ZBTB20: variants seen among roughly 807,000 people sequenced by gnomAD.
The protein encoded by ZBTB20 is zinc finger and BTB domain-containing protein 20.
ZBTB20 carries 9 observed loss-of-function variants against 56.9 expected under a neutral mutation model. The ratio of observed to expected loss-of-function variants is 0.16; its 90% CI spans 0.10 to 0.28. The LOEUF is 0.28. ZBTB20 is among the 10% of genes least tolerant of loss of function. The pLI is 1.00. For missense variants in ZBTB20, 655 were observed against 1,003.0 expected, an observed-to-expected ratio of 0.65 and a Z score of 4.69; for synonymous variants, 417 against 420.7, an observed-to-expected ratio of 0.99 and a Z score of 0.11.
At chr3:114,414,923 T>G (rs1015606089) in intron 7 of ZBTB20, among the ~76,000 whole-genome samples, 2 of 151,884 alleles carry the variant, frequency 1.3e-5, no homozygotes, top group African/African-American at 4.8e-5. Flanking sequence ...CTTTTGTATA[T>G]TTTTGCTCCC....
intron 4 of ZBTB20, among the ~76,000 whole-genome samples, chr3:114,857,309 T>C (rs1429871334): frequency 6.6e-6 from 1 of 152,182 alleles, no homozygotes; most frequent in East Asian, 1.9e-4. Flanking sequence ...CAAACAAACA[T>C]TAAAACTCCT....
intron 6 of ZBTB20, among the ~76,000 whole-genome samples, chr3:114,627,634 C>T (rs1260094411): frequency 6.6e-6 from 1 of 152,092 alleles, no homozygotes; most frequent in South Asian, 2.1e-4. Flanking sequence ...GGAGAATTCA[C>T]CAAGCAAATA....
In ZBTB20 at chr3:114,894,110, T is replaced by C. The variant is rs188016068; in HGVS notation, c.-417+6194A>G. Among the ~76,000 whole-genome samples the C allele has an allele frequency of 3.4e-4, 8 of 23,266 alleles. No homozygotes were observed. The Admixed American group carries it at 5.0e-3, about 14-fold the overall frequency. The allele number at this position is 23,266 out of a possible 152,430, so 15.3% of individuals were successfully genotyped here. On this transcript the variant is annotated intron_variant, in intron 4 of 11. Transcript: ENST00000675478. ...GGCTTTTGACTGAGTTTTTATCAGG[T>C]TTATCCATTTAAAAGCAGCACGGGA...
At chr3:114,509,957 T>C (rs1189529251) in intron 6 of ZBTB20, among the ~76,000 whole-genome samples, 2 of 152,124 alleles carry the variant, frequency 1.3e-5, no homozygotes, top group African/African-American at 4.8e-5. Context: ...AGGATTAGAT[T>C]GTAAACAACC....
chr3:114,402,268 T>C (rs1344929771), intron 7 of ZBTB20, among the ~76,000 whole-genome samples: 2 of 152,140 alleles, frequency 1.3e-5, no homozygotes, highest in African/African-American at 4.8e-5. Flanking sequence ...TGGTTATATG[T>C]CAAAATGGCT....
intron 6 of ZBTB20, among the ~76,000 whole-genome samples, chr3:114,556,702 A>T (rs1266608077): frequency 6.6e-6 from 1 of 152,008 alleles, no homozygotes; most frequent in African/African-American, 2.4e-5. Flanking sequence ...TGCCAACCTA[A>T]CTATACTTTT....
intron 6 of ZBTB20, among the ~76,000 whole-genome samples, chr3:114,576,873 G>A (rs1397891102): frequency 6.6e-6 from 1 of 151,908 alleles, no homozygotes; most frequent in Non-Finnish European, 1.5e-5. Context: ...AGATTTATGA[G>A]ATAGTACTAG....
intron 1 of ZBTB20, among the ~76,000 whole-genome samples, chr3:115,086,695 G>A (rs2082998130): frequency 6.6e-6 from 1 of 151,780 alleles, no homozygotes; most frequent in Non-Finnish European, 1.5e-5. Flanking sequence ...TTTCTCTGGG[G>A]TTTTGGATCT....
At chr3:114,595,557 GTT>G (rs2056242313) in intron 6 of ZBTB20, among the ~76,000 whole-genome samples, 1 of 152,184 alleles carries the variant, frequency 6.6e-6, no homozygotes, top group Non-Finnish European at 1.5e-5. Context: ...GTTACTGCTG[GTT>G]CAATGAGTCC....
intron 1 of ZBTB20, among the ~76,000 whole-genome samples, chr3:115,105,337 G>GTCTCATTTTCCAGATGA (rs1213579085): frequency 6.6e-6 from 1 of 152,166 alleles, no homozygotes; most frequent in Non-Finnish European, 1.5e-5. Flanking sequence ...GAAGAAAAAA[G>GTCTCATTTTCCAGATGA]AGAGATTAAG....
chr3:114,597,201 C>T lies in ZBTB20; in HGVS notation c.-295+96327G>A, dbSNP rs546710751. Among the ~76,000 whole-genome samples the T allele has an allele frequency of 3.3e-5, 5 of 152,252 alleles. No individual in the cohort carries two copies. The East Asian group carries it at 9.7e-4, about 29-fold the overall frequency. ...TGACATTTTCTTCTCCACAGTCCTA[C>T]TGAAAGTAGTGACCCCTAGTGGGTT... On this transcript the variant is annotated intron_variant, in intron 6 of 11. Coordinates refer to ENST00000675478, the MANE Select transcript of ZBTB20 (RefSeq NM_001348800.3).
chr3:114,512,241 C>T (rs763997835), intron 6 of ZBTB20, among the ~76,000 whole-genome samples: 7 of 152,130 alleles, frequency 4.6e-5, no homozygotes, highest in Non-Finnish European at 1.0e-4. Context: ...TAAATATCAA[C>T]TCTTTCATGA....
chr3:114,833,591 G>A (rs2073966377), intron 4 of ZBTB20, among the ~76,000 whole-genome samples: 1 of 151,576 alleles, frequency 6.6e-6, no homozygotes, highest in Non-Finnish European at 1.5e-5. Flanking sequence ...GTGCAATGGT[G>A]TGATCTTGGT....
intron 5 of ZBTB20, among the ~76,000 whole-genome samples, chr3:114,730,454 T>C (rs1323975595): frequency 6.6e-6 from 1 of 152,168 alleles, no homozygotes; most frequent in Non-Finnish European, 1.5e-5. Flanking sequence ...CTAAAATACA[T>C]AGGGTGAAGC....
At chr3:114,726,818 A>G (rs1387234323) in intron 5 of ZBTB20, among the ~76,000 whole-genome samples, 2 of 142,916 alleles carry the variant, frequency 1.4e-5, no homozygotes, top group East Asian at 4.5e-4. Flanking sequence ...AGGCTGAGGC[A>G]GGATAATTGC....
At chr3:114,642,689 T>C (rs2059622506) in intron 6 of ZBTB20, among the ~76,000 whole-genome samples, 1 of 152,108 alleles carries the variant, frequency 6.6e-6, no homozygotes, top group South Asian at 2.1e-4. Flanking sequence ...TGCAATTTTC[T>C]GAAAACGTTT....
intron 3 of ZBTB20, among the ~76,000 whole-genome samples, chr3:114,907,417 C>T (rs931238121): frequency 3.5e-4 from 53 of 151,766 alleles, no homozygotes; most frequent in Non-Finnish European, 1.5e-4. Flanking sequence ...TTTCTGTGTA[C>T]GTATATGTGT....
chr3:114,471,282 T>C (rs1267299817), intron 7 of ZBTB20, among the ~76,000 whole-genome samples: 1 of 152,208 alleles, frequency 6.6e-6, no homozygotes, highest in Non-Finnish European at 1.5e-5. Flanking sequence ...ACTACTCCCA[T>C]TTTGCGTGTG....
intron 6 of ZBTB20, among the ~76,000 whole-genome samples, chr3:114,596,925 T>C (rs2056361489): frequency 6.6e-6 from 1 of 152,206 alleles, no homozygotes; most frequent in South Asian, 2.1e-4. Context: ...TTTCATTGCA[T>C]GGTATTTTAA....
Sources: allele counts gnomAD v4.1 joint callset (sites outside exome capture counted in the v4.1 genomes callset), GRCh38; gene constraint gnomAD v4.1.1; transcripts MANE v1.5; gene names NCBI Gene and HGNC (gene_info 2026-07-23, HGNC 2026-07-21).